Variants in NCKAP5 observed in about 807,000 individuals in gnomAD.
NCKAP5 encodes the protein nck-associated protein 5.
In NCKAP5, 92 loss-of-function variants were observed where a neutral mutation model predicts 167.0. That is an observed-to-expected ratio of 0.55 (90% confidence interval 0.47 to 0.66). The LOEUF is 0.66. NCKAP5 is among the 30% of genes least tolerant of loss of function. The probability of loss-of-function intolerance (pLI) is 0.00; values close to 1 mark genes in which losing one functional copy is unlikely to be tolerated. For missense variants in NCKAP5, 2,378 were observed against 2,315.0 expected, an observed-to-expected ratio of 1.03 and a Z score of -0.56; for synonymous variants, 891 against 877.4, an observed-to-expected ratio of 1.02 and a Z score of -0.27.
intron 7 of NCKAP5, among the ~76,000 whole-genome samples, chr2:132,983,888 A>C (rs552723670): frequency 1.8e-4 from 28 of 152,320 alleles, no homozygotes; most frequent in South Asian, 4.1e-4. Context: ...TTATTAGTGG[A>C]AGAAGAAACA....
At chr2:132,867,726 G>C (rs1690468505) in intron 10 of NCKAP5, among the ~76,000 whole-genome samples, 1 of 152,166 alleles carries the variant, frequency 6.6e-6, no homozygotes, top group African/African-American at 2.4e-5. Context: ...GGAAGCTAGG[G>C]ACCCCAAGGA....
chr2:133,498,480 A>AAGGCAGGCAGGC lies in NCKAP5; in HGVS notation c.69+18966_69+18977dup, dbSNP rs60553398. ...GAAGGAAGGAAGGAAGGAAGGAAGG[A>AAGGCAGGCAGGC]AGGCAGGCAGGCAGGCAGGCAGGCA... is the stretch of plus-strand genomic sequence containing the variant. On this transcript the variant is annotated intron_variant, in intron 3 of 19. Coordinates refer to ENST00000409261, the MANE Select transcript of NCKAP5 (RefSeq NM_207363.3). 2.9e-3 allele frequency among the ~76,000 whole-genome samples: 296 copies of AAGGCAGGCAGGC among 101,784 alleles called. 3 individuals are homozygous for AAGGCAGGCAGGC. Among genetic ancestry groups the AAGGCAGGCAGGC allele is most frequent in the African/African-American group, 0.014 (277 of 20,378 alleles). The allele number at this position is 101,784 out of a possible 152,430, so 66.8% of individuals were successfully genotyped here. A position where few individuals can be genotyped will look rare whatever the true frequency, so the allele number is the denominator to read the frequency against.
intron 6 of NCKAP5, among the ~76,000 whole-genome samples, chr2:133,006,374 C>T (rs2077967948): frequency 6.6e-6 from 1 of 152,214 alleles, no homozygotes; most frequent in Non-Finnish European, 1.5e-5. Flanking sequence ...AAATGTAGCT[C>T]ACTTTGCATT....
intron 10 of NCKAP5, among the ~76,000 whole-genome samples, chr2:132,864,377 T>C (rs189394905): frequency 4.3e-4 from 65 of 152,202 alleles, no homozygotes; most frequent in African/African-American, 1.6e-3. Flanking sequence ...ACAGTGGTGT[T>C]TGGGTTCAAG....
chr2:133,226,604 A>AC (rs1553591195), intron 4 of NCKAP5, among the ~76,000 whole-genome samples: 4 of 139,182 alleles, frequency 2.9e-5, no homozygotes, highest in East Asian at 2.1e-4. Flanking sequence ...TTTGAAGATA[A>AC]ACACACACAC....
intron 1 of NCKAP5, among the ~76,000 whole-genome samples, chr2:133,564,414 C>T (rs1483035823): frequency 2.0e-5 from 3 of 152,138 alleles, no homozygotes; most frequent in Non-Finnish European, 4.4e-5. Context: ...TTATTGAGAA[C>T]TCATTGTGTG....
the NCKAP5 span, among the ~76,000 whole-genome samples, chr2:133,582,969 T>C: frequency 1.3e-5 from 2 of 152,212 alleles, no homozygotes; most frequent in East Asian, 1.9e-4. Flanking sequence ...ACCCCCTGTT[T>C]CTGAGGTCAT....
chr2:133,261,081 G>A (rs994197990), intron 4 of NCKAP5, among the ~76,000 whole-genome samples: 16 of 152,290 alleles, frequency 1.1e-4, no homozygotes, highest in African/African-American at 3.6e-4. Context: ...TATTTGCAAT[G>A]AAAATGAGCA....
chr2:132,993,170 A>T (rs1392554219), intron 7 of NCKAP5, among the ~76,000 whole-genome samples: 1 of 152,204 alleles, frequency 6.6e-6, no homozygotes, highest in African/African-American at 2.4e-5. Flanking sequence ...AGGGCTGCCC[A>T]GTGATGACCT....
At chr2:133,634,002 A>G in the NCKAP5 span, among the ~76,000 whole-genome samples, 1 of 152,208 alleles carries the variant, frequency 6.6e-6, no homozygotes, top group African/African-American at 2.4e-5. Context: ...AGAAACTCTT[A>G]TCTGGACTTG....
intron 8 of NCKAP5, among the ~76,000 whole-genome samples, chr2:132,912,383 G>T (rs569323724): frequency 6.6e-4 from 101 of 152,252 alleles, no homozygotes; most frequent in African/African-American, 2.2e-3. Context: ...GTCAATCAGG[G>T]TTTTTCAGAA....
At chr2:133,378,137 G>A (rs1029916831) in intron 3 of NCKAP5, among the ~76,000 whole-genome samples, 1 of 152,072 alleles carries the variant, frequency 6.6e-6, no homozygotes, top group Non-Finnish European at 1.5e-5. Flanking sequence ...TATTAACCTC[G>A]TGATTTCTAT....
intron 3 of NCKAP5, among the ~76,000 whole-genome samples, chr2:133,310,782 T>C (rs913869905): frequency 6.6e-6 from 1 of 152,176 alleles, no homozygotes; most frequent in Non-Finnish European, 1.5e-5. Context: ...GTGAATTAAT[T>C]GTCTGGATGT....
chr2:132,959,729 G>C (rs752269635), intron 8 of NCKAP5, among the ~76,000 whole-genome samples: 9 of 152,172 alleles, frequency 5.9e-5, no homozygotes, highest in Admixed American at 3.9e-4. Context: ...TTGAATCAGT[G>C]GCTTCTGGTG....
intron 8 of NCKAP5, among the ~76,000 whole-genome samples, chr2:132,939,807 C>A (rs1210834228): frequency 6.6e-6 from 1 of 152,182 alleles, no homozygotes; most frequent in East Asian, 1.9e-4. Flanking sequence ...CAAGACCAGC[C>A]TGGTCAACAT....
chr2:133,208,290 A>T lies in NCKAP5; in HGVS notation c.207+5426T>A, dbSNP rs528897659. On this transcript the variant is annotated intron_variant, in intron 5 of 19. Transcript: ENST00000409261. ...GCAGGAGAGGCTGCAGAGAGCTGAC[A>T]CTGTACCGCTGCATTCTGGCCTGGG... Among the ~76,000 whole-genome samples, 21 of 152,270 alleles carry T rather than the reference A, an allele frequency of 1.4e-4. No homozygotes were observed. In the South Asian group the frequency reaches 3.9e-3, roughly 29 times the overall value.
intron 8 of NCKAP5, among the ~76,000 whole-genome samples, chr2:132,937,354 A>G (rs932252204): frequency 1.3e-5 from 2 of 152,248 alleles, no homozygotes; most frequent in African/African-American, 4.8e-5. Context: ...ACCTCTGTTT[A>G]CTAACTGTGT....
chr2:132,822,933 T>G (rs982823135), intron 11 of NCKAP5, among the ~76,000 whole-genome samples: 1 of 152,104 alleles, frequency 6.6e-6, no homozygotes. Flanking sequence ...AACAATAGAC[T>G]AGGATAAGTA....
chr2:132,857,793 C>T (rs1489299530), intron 11 of NCKAP5, among the ~76,000 whole-genome samples: 1 of 152,068 alleles, frequency 6.6e-6, no homozygotes, highest in Non-Finnish European at 1.5e-5. Flanking sequence ...TTAATTTCAG[C>T]TTAGGCCTTT....
Sources: allele counts gnomAD v4.1 joint callset (sites outside exome capture counted in the v4.1 genomes callset), GRCh38; gene constraint gnomAD v4.1.1; transcripts MANE v1.5; gene names NCBI Gene and HGNC (gene_info 2026-07-23, HGNC 2026-07-21).